MYB: variants seen among roughly 807,000 people sequenced by gnomAD.
MYB encodes transcriptional activator Myb.
MYB carries 28 observed loss-of-function variants against 92.9 expected under a neutral mutation model. The ratio of observed to expected loss-of-function variants is 0.30; its 90% CI spans 0.22 to 0.41. MYB has a LOEUF of 0.41. MYB is among the 10% of genes least tolerant of loss of function. The pLI is 1.00. For missense variants in MYB, 679 were observed against 929.3 expected (o/e 0.73, Z 3.50); for synonymous variants, 295 against 329.1 (o/e 0.90, Z 1.12).
At chr6:135,214,159 G>A (rs1355283754) in intron 15 of MYB, among the ~76,000 whole-genome samples, 1 of 151,860 alleles carries the variant, frequency 6.6e-6, no homozygotes, top group East Asian at 1.9e-4. Context: ...ACACACTCCT[G>A]TAGTCCCAGC....
intron 2 of MYB, 34 bp downstream of exon 2, chr6:135,186,054 G>A: frequency 6.4e-7 from 1 of 1,571,544 alleles, no homozygotes; most frequent in Non-Finnish European, 8.8e-7. Context: ...GCAGAAAATA[G>A]ATAGAGTGTA....
chr6:135,194,688 G>T, intron 8 of MYB: 1 of 563,946 alleles, frequency 1.8e-6, no homozygotes, highest in Non-Finnish European at 3.1e-6. Flanking sequence ...ATCCACTTAT[G>T]ATTGTTATCA....
At chr6:135,213,692 T>C (rs1780048855) in intron 15 of MYB, among the ~76,000 whole-genome samples, 1 of 151,762 alleles carries the variant, frequency 6.6e-6, no homozygotes, top group Non-Finnish European at 1.5e-5. Context: ...GACTAGCCTG[T>C]GCAACACAGC....
Position 135,198,972 on chromosome 6 carries a change from C to G in MYB, c.1631C>G (p.Pro544Arg). 1 of 1,611,602 alleles carries G rather than the reference C, an allele frequency of 6.2e-7. No homozygotes were observed. Residue 544 changes from proline (P) to arginine (R), a missense_variant, in exon 11 of 16, where the codon CCC (proline) becomes CGC (arginine). Pro to Arg is a moderately radical substitution (Grantham distance 103). Around this residue, in one of 8 missense-constraint regions of MYB, gnomAD observed 402 missense variants for 434.2 expected, o/e 0.93. Transcript: ENST00000341911. ...DLEMPSLTST[P>R]LIGHKLTVTT... is the part of the protein sequence containing the mutation. ...GAAATGCCTTCTTTAACTTCCACCC[C>G]CCTCATTGGTCACAAATTGACTGTT...
intron 13 of MYB, chr6:135,200,634 GA>G (rs1777940086): frequency 1.5e-6 from 1 of 647,218 alleles, no homozygotes; most frequent in South Asian, 1.6e-5. Flanking sequence ...TGTTTGGACA[GA>G]AAACATACTA....
Position 135,182,713 on chromosome 6 carries a change from T to C in MYB, c.23+1177T>C, listed in dbSNP as rs1023324007. ...GCAAATCCATTCGCCTTTCCTTAGA[T>C]TGTTTGATTTTCTCCTACTGGTTTG... is the stretch of plus-strand genomic sequence containing the variant. On this transcript the variant is annotated intron_variant, in intron 1 of 15. Transcript: ENST00000341911. The surrounding 1 kb of genome is among the most constrained non-coding windows in gnomAD (Gnocchi z 5.6). Among the ~76,000 whole-genome samples, 1 of 151,974 alleles carries C rather than the reference T, an allele frequency of 6.6e-6. No homozygotes were observed. The highest frequency in any genetic ancestry group is 2.4e-5 in the African/African-American group (1 of 41,372).
At chr6:135,212,002 T>A (rs1232716818) in intron 15 of MYB, among the ~76,000 whole-genome samples, 1 of 152,134 alleles carries the variant, frequency 6.6e-6, no homozygotes, top group Non-Finnish European at 1.5e-5. Context: ...ATTTCTACAG[T>A]CTCTCTTATA....
At chr6:135,186,104 C>T in intron 2 of MYB, 84 bp downstream of exon 2, 1 of 1,145,226 alleles carries the variant, frequency 8.7e-7, no homozygotes, top group South Asian at 1.3e-5. Context: ...ACTACAGGTG[C>T]TCAAGCTCAT....
intron 15 of MYB, among the ~76,000 whole-genome samples, chr6:135,207,735 C>A (rs1247829454): frequency 9.1e-6 from 1 of 109,314 alleles, no homozygotes; most frequent in Non-Finnish European, 1.9e-5. Flanking sequence ...TTTACCTCAT[C>A]TCTTTTTTTT....
rs1236617928 is a variant in MYB, at chr6:135,182,163, G to A, written c.23+627G>A. ...GGTTCGAATCATTTTTCTCTGAAAG[G>A]CTTTTACTTCCACTGCAAACATTGC... is the stretch of plus-strand genomic sequence containing the variant. On this transcript the variant is annotated intron_variant, in intron 1 of 15. Transcript: ENST00000341911. The surrounding 1 kb of genome is among the most constrained non-coding windows in gnomAD (Gnocchi z 5.6). 6.6e-6 allele frequency among the ~76,000 whole-genome samples: 1 copy of A among 152,210 alleles called. No individual in the cohort carries two copies. Among genetic ancestry groups the A allele is most frequent in the Non-Finnish European group, 1.5e-5 (1 of 68,032 alleles).
At chr6:135,198,191 T>C (rs570950010) in intron 10 of MYB, among the ~76,000 whole-genome samples, 1 of 152,342 alleles carries the variant, frequency 6.6e-6, no homozygotes, top group African/African-American at 2.4e-5. Context: ...CCTGTAGTCC[T>C]AGCTACTGGG....
chr6:135,212,224 C>CTTTTTTTTTTTTTT lies in MYB; in HGVS notation c.2170-5620_2170-5607dup, dbSNP rs545704827. Among the ~76,000 whole-genome samples the CTTTTTTTTTTTTTT allele has an allele frequency of 1.2e-3, 38 of 32,888 alleles. 2 individuals carry two copies. The highest frequency in any genetic ancestry group is 2.1e-3 in the African/African-American group (18 of 8,776). The allele number at this position is 32,888 out of a possible 152,430, so 21.6% of individuals were successfully genotyped here. ...CATCTGATGAGTTGCTTTGGTTTTA[C>CTTTTTTTTTTTTTT]TTTTTTTTTTTTTTTTTTTTTTTTT... On this transcript the variant is annotated intron_variant, in intron 15 of 15. Transcript: ENST00000341911.
intron 15 of MYB, among the ~76,000 whole-genome samples, chr6:135,211,690 A>G (rs1369733952): frequency 6.6e-6 from 1 of 152,170 alleles, no homozygotes; most frequent in East Asian, 1.9e-4. Context: ...AGACCTCTAG[A>G]GACATCGGGG....
intron 1 of MYB, among the ~76,000 whole-genome samples, chr6:135,185,265 T>G (rs573609445): frequency 6.6e-6 from 1 of 152,334 alleles, no homozygotes; most frequent in African/African-American, 2.4e-5. Context: ...AATTTGGTAT[T>G]AATTTTATTT....
Position 135,198,953 on chromosome 6 carries a change from C to G in MYB, c.1612C>G (p.Pro538Ala). Residue 538 changes from proline to alanine, a missense_variant, in exon 11 of 16, where the codon CCT becomes GCT. By Grantham distance (27) the Pro-to-Ala change is conservative (BLOSUM62 -1). This residue lies in a region of MYB where 402 missense variants were observed against 434.2 expected (regional missense o/e 0.93). Coordinates refer to ENST00000341911, the MANE Select transcript of MYB (RefSeq NM_001130173.2). ...CCATGAAAACTCAGACTTGGAAATG[C>G]CTTCTTTAACTTCCACCCCCCTCAT... The part of the protein sequence containing the change: ...SNHENSDLEM[P>A]SLTSTPLIGH... 6.2e-7 allele frequency: 1 copy of G among 1,611,192 alleles called. No individual in the cohort carries two copies. The highest frequency in any genetic ancestry group is 8.5e-7 in the Non-Finnish European group (1 of 1,177,726).
At chr6:135,208,789 C>A (rs1436707025) in intron 15 of MYB, among the ~76,000 whole-genome samples, 1 of 152,180 alleles carries the variant, frequency 6.6e-6, no homozygotes, top group Non-Finnish European at 1.5e-5. Context: ...ACCATCATTA[C>A]ATATTTAACA....
chr6:135,214,025 C>A (rs1780092364), intron 15 of MYB, among the ~76,000 whole-genome samples: 1 of 152,134 alleles, frequency 6.6e-6, no homozygotes, highest in Non-Finnish European at 1.5e-5. Flanking sequence ...TTAATCCTAA[C>A]CCTATGAGAG....
chr6:135,198,536 A>G (rs771859121), intron 10 of MYB, among the ~76,000 whole-genome samples: 13 of 152,270 alleles, frequency 8.5e-5, no homozygotes, highest in Non-Finnish European at 1.5e-4. Context: ...GAGAAAAAAC[A>G]AAGTATGAAA....
chr6:135,188,458 T>C (rs568562902), intron 3 of MYB, among the ~76,000 whole-genome samples: 1 of 151,966 alleles, frequency 6.6e-6, no homozygotes, highest in Non-Finnish European at 1.5e-5. Flanking sequence ...ACTTCCTAAC[T>C]GGCTTCCCCA....
Sources: gnomAD v4.1 joint callset for allele counts (sites outside exome capture counted in the v4.1 genomes callset) on GRCh38, gnomAD v4.1.1 for gene constraint, gnomAD v4.1.1 regional missense constraint, Gnocchi (gnomAD v3.1) non-coding constraint, MANE v1.5 for transcripts, NCBI Gene and HGNC (gene_info 2026-07-23, HGNC 2026-07-21) for gene names.